The following CLCN3 variants were observed in gnomAD, a reference collection of about 807,000 sequenced individuals.
The protein encoded by CLCN3 is Cl-/H+ antiporter 3, also known as H(+)/Cl(-) exchange transporter 3.
A neutral mutation model predicts 83.4 loss-of-function variants in CLCN3; 16 were observed. The ratio of observed to expected loss-of-function variants is 0.19; its 90% CI spans 0.13 to 0.29. The LOEUF (loss-of-function observed/expected upper bound fraction) is 0.29, where lower values mean the gene tolerates loss of function less well. CLCN3 is among the 10% of genes least tolerant of loss of function. The pLI is 1.00. For missense variants in CLCN3, 544 were observed against 1,006.0 expected, an observed-to-expected ratio of 0.54 and a Z score of 6.21; for synonymous variants, 322 against 346.2, an observed-to-expected ratio of 0.93 and a Z score of 0.78.
intron 2 of CLCN3, among the ~76,000 whole-genome samples, chr4:169,657,316 G>A (rs924560835): frequency 5.3e-5 from 8 of 151,802 alleles, no homozygotes; most frequent in Non-Finnish European, 1.2e-4. Flanking sequence ...AATTCTGTAG[G>A]TTTCCCTCTC....
intron 1 of CLCN3, among the ~76,000 whole-genome samples, chr4:169,635,128 A>G (rs1773471452): frequency 6.6e-6 from 1 of 152,140 alleles, no homozygotes; most frequent in Non-Finnish European, 1.5e-5. Context: ...GTGTGTACTT[A>G]CTAGGCCATA....
chr4:169,626,954 C>G (rs982021718), intron 1 of CLCN3, among the ~76,000 whole-genome samples: 4 of 152,186 alleles, frequency 2.6e-5, no homozygotes, highest in African/African-American at 9.7e-5. Flanking sequence ...TAGAATTGTT[C>G]AGACGTCTAG....
rs144034736 is a variant in CLCN3 at position 169,695,472 on chromosome 4, T to A, written c.937-140T>A. On this transcript the variant is annotated intron_variant, in intron 7 of 12. Coordinates refer to ENST00000513761, the MANE Select transcript of CLCN3 (RefSeq NM_001829.4). ...AATCTTAATAGAAGAAATGAATAGT[T>A]ACCCTTTGCTTAGGGAGCAAGGAAA... 1.1e-3 allele frequency: 718 copies of A among 661,032 alleles called. 19 individuals are homozygous for A. In the East Asian group the frequency reaches 0.019, roughly 18 times the overall value. The allele number at this position is 661,032 out of a possible 1,614,324, so 40.9% of individuals were successfully genotyped here.
At chr4:169,676,650 A>ATTTTTTTTTTTTTTTTT (rs557077180) in intron 2 of CLCN3, among the ~76,000 whole-genome samples, 4 of 128,252 alleles carry the variant, frequency 3.1e-5, no homozygotes, top group Non-Finnish European at 4.9e-5. Flanking sequence ...CATGCCCAGC[A>ATTTTTTTTTTTTTTTTT]TTTTTTTTTT....
rs558031054 is a variant in CLCN3, at chr4:169,719,237, C to A, written c.2367-670C>A. Among the ~76,000 whole-genome samples, 3 of 152,294 alleles carry A rather than the reference C, an allele frequency of 2.0e-5. No individual in the cohort carries two copies. In the South Asian group the frequency reaches 6.2e-4, roughly 32 times the overall value. ...TCCCCAGCACTTTGGGAGGCCGGGA[C>A]GGGTGGATCACAAGGTCAGGAGTTG... On this transcript the variant is annotated intron_variant, in intron 12 of 12. Coordinates refer to ENST00000513761, the MANE Select transcript of CLCN3 (RefSeq NM_001829.4).
chr4:169,636,609 G>A (rs565849420), intron 2 of CLCN3, among the ~76,000 whole-genome samples: 5 of 152,002 alleles, frequency 3.3e-5, no homozygotes, highest in Non-Finnish European at 4.4e-5. Flanking sequence ...TTTTACTTAC[G>A]TTTCAAAATC....
chr4:169,689,483 G>A (rs377716922), intron 5 of CLCN3, among the ~76,000 whole-genome samples: 2 of 152,192 alleles, frequency 1.3e-5, no homozygotes, highest in Admixed American at 1.3e-4. Context: ...TAGAAAAGAA[G>A]TGATAGTTAT....
intron 1 of CLCN3, among the ~76,000 whole-genome samples, chr4:169,633,773 T>C (rs1000090780): frequency 3.0e-4 from 46 of 152,252 alleles, no homozygotes; most frequent in African/African-American, 1.1e-3. Context: ...GTATAAAATT[T>C]CTAGTCAAAT....
chr4:169,658,862 A>C (rs926181703), intron 2 of CLCN3, among the ~76,000 whole-genome samples: 5 of 152,224 alleles, frequency 3.3e-5, no homozygotes, highest in Admixed American at 3.3e-4. Flanking sequence ...GAGATTTTAT[A>C]AGAAGCTCTG....
rs988112104 is a variant in CLCN3 at position 169,628,736 on chromosome 4, TG to T, written c.-16-7175del. On this transcript the variant is annotated intron_variant, in intron 1 of 12. Coordinates refer to ENST00000513761, the MANE Select transcript of CLCN3 (RefSeq NM_001829.4). ...GGTACAGCCACTCTGGAAAACAATT[TG>T]GCAGTTTCTTTAAAAAACAAATATG... Among the ~76,000 whole-genome samples, 5 of 152,352 alleles carry T rather than the reference TG, an allele frequency of 3.3e-5. No homozygotes were observed. In the East Asian group the frequency reaches 7.7e-4, roughly 23 times the overall value.
intron 2 of CLCN3, among the ~76,000 whole-genome samples, chr4:169,672,418 G>A (rs1290477094): frequency 6.6e-6 from 1 of 152,004 alleles, no homozygotes; most frequent in Non-Finnish European, 1.5e-5. Flanking sequence ...GGGATTACAG[G>A]TGTGAGTCAC....
At chr4:169,690,475 G>A in intron 5 of CLCN3, 55 bp from the exon 6 acceptor site, 3 of 1,554,482 alleles carry the variant, frequency 1.9e-6, no homozygotes, top group Non-Finnish European at 2.6e-6. Flanking sequence ...ACAAGCATTT[G>A]CATTAGAGGT....
chr4:169,656,185 C>A (rs896386723), intron 2 of CLCN3, among the ~76,000 whole-genome samples: 6 of 152,060 alleles, frequency 3.9e-5, no homozygotes, highest in Non-Finnish European at 8.8e-5. Context: ...AGTCCCTTCT[C>A]ATGATGCTAT....
chr4:169,670,169 T>C (rs969409825), intron 2 of CLCN3, among the ~76,000 whole-genome samples: 3 of 152,220 alleles, frequency 2.0e-5, no homozygotes, highest in African/African-American at 7.2e-5. Flanking sequence ...GCCATTGCTT[T>C]TGGTGTTTCA....
chr4:169,713,814 T>C (rs2150275603), intron 12 of CLCN3, among the ~76,000 whole-genome samples: 1 of 152,382 alleles, frequency 6.6e-6, no homozygotes, highest in East Asian at 1.9e-4. Flanking sequence ...CTTTAACAAA[T>C]GCTTTGTTTC....
At chr4:169,699,902 AAATAAT>A (rs1204031413) in intron 9 of CLCN3, among the ~76,000 whole-genome samples, 7 of 152,100 alleles carry the variant, frequency 4.6e-5, no homozygotes, top group Non-Finnish European at 1.0e-4. Flanking sequence ...AATAAGAAGA[AAATAAT>A]AATAGTAATA....
At chr4:169,659,283 GT>G (rs1730974673) in intron 2 of CLCN3, among the ~76,000 whole-genome samples, 1 of 152,024 alleles carries the variant, frequency 6.6e-6, no homozygotes, top group Non-Finnish European at 1.5e-5. Context: ...TGCGGTTTTT[GT>G]TTTTGTTTTT....
At chr4:169,662,531 G>C (rs1234835775) in intron 2 of CLCN3, among the ~76,000 whole-genome samples, 1 of 152,096 alleles carries the variant, frequency 6.6e-6, no homozygotes, top group Non-Finnish European at 1.5e-5. Context: ...TTCCCTGTGA[G>C]GAAGAACAAA....
chr4:169,668,527 A>T (rs1183741211), intron 2 of CLCN3, among the ~76,000 whole-genome samples: 1 of 152,178 alleles, frequency 6.6e-6, no homozygotes, highest in Non-Finnish European at 1.5e-5. Flanking sequence ...AACTAACGGG[A>T]GGCAGGGCTG....
Sources: allele counts gnomAD v4.1 joint callset (sites outside exome capture counted in the v4.1 genomes callset), GRCh38; gene constraint gnomAD v4.1.1; transcripts MANE v1.5; gene names NCBI Gene and HGNC (gene_info 2026-07-23, HGNC 2026-07-21).